The following ATP8A2 variants were observed in gnomAD, a reference collection of about 807,000 sequenced individuals.
ATP8A2 encodes phospholipid-transporting ATPase IB.
ATP8A2 carries 100 observed loss-of-function variants against 165.6 expected under a neutral mutation model. That is an observed-to-expected ratio of 0.60 (90% CI 0.51 to 0.71). The LOEUF (loss-of-function observed/expected upper bound fraction) is 0.71, where lower values mean the gene tolerates loss of function less well. ATP8A2 is among the 30% of genes least tolerant of loss of function. The pLI, the probability that ATP8A2 is intolerant of heterozygous loss-of-function variation, is 0.00. For synonymous variants in ATP8A2, 543 were observed against 548.8 expected, an observed-to-expected ratio of 0.99 and a Z score of 0.15; for missense variants, 1,227 against 1,479.5, an observed-to-expected ratio of 0.83 and a Z score of 2.80.
At chr13:25,461,186 A>G (rs2035493866) in intron 1 of ATP8A2, among the ~76,000 whole-genome samples, 1 of 152,212 alleles carries the variant, frequency 6.6e-6, no homozygotes, top group Non-Finnish European at 1.5e-5. Context: ...TTTCTTTTGA[A>G]TTCTTGGGTA....
rs985597897 is a variant in ATP8A2 at position 25,733,093 on chromosome 13, G to A, written c.2384+33748G>A. On this transcript the variant is annotated intron_variant, in intron 25 of 36. Coordinates refer to ENST00000381655, the MANE Select transcript of ATP8A2 (RefSeq NM_016529.6). ...TATGATGAAATACTACAGAAGATGG[G>A]AACTGTGTGTCGTGAAGTCATGGAA... Among the ~76,000 whole-genome samples the A allele has an allele frequency of 2.6e-5, 4 of 152,126 alleles. No homozygotes were observed. The East Asian group carries it at 5.8e-4, about 22-fold the overall frequency.
At chr13:25,797,161 G>A (rs558371903) in intron 27 of ATP8A2, among the ~76,000 whole-genome samples, 43 of 152,186 alleles carry the variant, frequency 2.8e-4, no homozygotes, top group Admixed American at 6.5e-4. Flanking sequence ...CCAGCTGCTC[G>A]GGAGGCTGAG....
At chr13:25,447,111 C>A (rs1165973682) in intron 1 of ATP8A2, among the ~76,000 whole-genome samples, 2 of 152,164 alleles carry the variant, frequency 1.3e-5, no homozygotes, top group Admixed American at 6.5e-5. Flanking sequence ...ACTAAGCAAA[C>A]AAACTAAAAT....
chr13:25,898,558 G>T (rs1209051682), intron 33 of ATP8A2, among the ~76,000 whole-genome samples: 3 of 152,236 alleles, frequency 2.0e-5, no homozygotes, highest in Admixed American at 2.0e-4. Flanking sequence ...AAAGCTGTCA[G>T]ACAGGGACAT....
Position 25,505,618 on chromosome 13 carries a change from A to G in ATP8A2, c.222-24381A>G, listed in dbSNP as rs1192832355. Among the ~76,000 whole-genome samples, 3 of 152,074 alleles carry G rather than the reference A, an allele frequency of 2.0e-5. No individual in the cohort carries two copies. In the East Asian group the frequency reaches 5.8e-4, roughly 29 times the overall value. ...CTCTCTAGAGATATTATAGTTCCAA[A>G]TCTGTATCCAGAAAGACGTACACAT... is the stretch of plus-strand genomic sequence containing the variant. On this transcript the variant is annotated intron_variant, in intron 2 of 36. Coordinates refer to ENST00000381655, the MANE Select transcript of ATP8A2 (RefSeq NM_016529.6).
chr13:25,405,082 G>A (rs978171172), intron 1 of ATP8A2, among the ~76,000 whole-genome samples: 1 of 152,138 alleles, frequency 6.6e-6, no homozygotes, highest in Non-Finnish European at 1.5e-5. Context: ...AAACGCTGCC[G>A]GGCTGGTCAG....
intron 1 of ATP8A2, among the ~76,000 whole-genome samples, chr13:25,439,735 G>C (rs1328466208): frequency 1.3e-5 from 2 of 151,994 alleles, no homozygotes; most frequent in Non-Finnish European, 2.9e-5. Flanking sequence ...AACATTGTGA[G>C]ACTGTCTAAT....
At chr13:25,627,995 A>G (rs1165070887) in intron 24 of ATP8A2, among the ~76,000 whole-genome samples, 1 of 152,224 alleles carries the variant, frequency 6.6e-6, no homozygotes, top group Non-Finnish European at 1.5e-5. Flanking sequence ...GCTGACATAA[A>G]GAAGCCATGA....
At chr13:25,463,836 C>T (rs1306904049) in intron 1 of ATP8A2, among the ~76,000 whole-genome samples, 1 of 152,144 alleles carries the variant, frequency 6.6e-6, no homozygotes, top group Non-Finnish European at 1.5e-5. Flanking sequence ...GTGTCCCTCC[C>T]CTTCCACCCC....
chr13:25,813,228 A>T (rs1328522686), intron 27 of ATP8A2, among the ~76,000 whole-genome samples: 1 of 152,198 alleles, frequency 6.6e-6, no homozygotes, highest in Non-Finnish European at 1.5e-5. Context: ...AAATTAAAAA[A>T]AAAAGAAAGT....
chr13:25,964,451 G>A (rs78388945), intron 34 of ATP8A2, among the ~76,000 whole-genome samples: 96 of 152,202 alleles, frequency 6.3e-4, no homozygotes, highest in African/African-American at 2.1e-3. Context: ...AAGTAAATTC[G>A]GAGGCTTCTC....
rs533492639 is a variant in ATP8A2 at position 25,870,920 on chromosome 13, T to A, written c.3183+8512T>A. Among the ~76,000 whole-genome samples the A allele has an allele frequency of 2.0e-5, 3 of 152,374 alleles. No individual in the cohort carries two copies. The East Asian group carries it at 5.8e-4, about 29-fold the overall frequency. ...TTCTGTCCACGAGCCCAATCTTTTT[T>A]AAAGTAAAGCAGGTTTCAAACAACA... On this transcript the variant is annotated intron_variant, in intron 33 of 36. Transcript: ENST00000381655.
At chr13:25,583,695 C>A (rs1015688549) in intron 23 of ATP8A2, among the ~76,000 whole-genome samples, 1 of 152,050 alleles carries the variant, frequency 6.6e-6, no homozygotes, top group Non-Finnish European at 1.5e-5. Flanking sequence ...GAAAATCAAC[C>A]CAGAAAACAC....
At chr13:25,468,869 G>A (rs2035752762) in intron 1 of ATP8A2, 108 bp from the exon 2 acceptor site, 2 of 1,534,704 alleles carry the variant, frequency 1.3e-6, no homozygotes, top group East Asian at 4.8e-5. Context: ...CCTCACCCGA[G>A]CATCCTTCCC....
At chr13:25,832,179 C>T (rs1436763763) in intron 28 of ATP8A2, among the ~76,000 whole-genome samples, 1 of 152,124 alleles carries the variant, frequency 6.6e-6, no homozygotes, top group Non-Finnish European at 1.5e-5. Context: ...CTCAGGTGAT[C>T]TGCCTGCCTC....
intron 1 of ATP8A2, among the ~76,000 whole-genome samples, chr13:25,394,269 G>C (rs922892768): frequency 1.3e-5 from 2 of 152,220 alleles, no homozygotes; most frequent in African/African-American, 4.8e-5. Context: ...TCTAGTGGAA[G>C]GAGAGCTCAT....
intron 25 of ATP8A2, among the ~76,000 whole-genome samples, chr13:25,758,168 C>T (rs1327572805): frequency 6.6e-6 from 1 of 152,180 alleles, no homozygotes; most frequent in Non-Finnish European, 1.5e-5. Context: ...TAGCCTTAAT[C>T]TTTCACCCCT....
chr13:25,512,337 C>G (rs999308578), intron 2 of ATP8A2, among the ~76,000 whole-genome samples: 143 of 152,212 alleles, frequency 9.4e-4, no homozygotes, highest in African/African-American at 3.2e-3. Context: ...ACCTTTCCCC[C>G]CTTTCTATTC....
At chr13:25,977,329 C>T (rs1368959597) in intron 35 of ATP8A2, among the ~76,000 whole-genome samples, 4 of 152,160 alleles carry the variant, frequency 2.6e-5, no homozygotes, top group Non-Finnish European at 5.9e-5. Flanking sequence ...GAGCCAACGA[C>T]GCTCCCAGGC....
Sources: allele counts gnomAD v4.1 joint callset (sites outside exome capture counted in the v4.1 genomes callset), GRCh38; gene constraint gnomAD v4.1.1; transcripts MANE v1.5; gene names NCBI Gene and HGNC (gene_info 2026-07-23, HGNC 2026-07-21).